The following SVEP1 variants were observed in gnomAD, a reference collection of about 807,000 sequenced individuals.
The protein encoded by SVEP1 is sushi, von Willebrand factor type A, EGF and pentraxin domain containing 1.
SVEP1 carries 164 observed loss-of-function variants against 367.3 expected under a neutral mutation model. That is an observed-to-expected ratio of 0.45 (90% confidence interval 0.39 to 0.51). The LOEUF is 0.51. Ranked by LOEUF, SVEP1 falls within the 20% of genes least tolerant of loss-of-function variation. The probability of loss-of-function intolerance (pLI) is 0.00; values close to 1 mark genes in which losing one functional copy is unlikely to be tolerated. For synonymous variants in SVEP1, 1,666 were observed against 1,611.6 expected (o/e 1.03, Z -0.81); for missense variants, 4,117 against 4,425.3 (o/e 0.93, Z 1.98).
At chr9:110,446,143 A>G in intron 25 of SVEP1, 105 bp from the exon 26 acceptor site, 1 of 993,712 alleles carries the variant, frequency 1.0e-6, no homozygotes, top group Non-Finnish European at 1.5e-6. Flanking sequence ...AGTGAATATG[A>G]TTATCTAAGA....
intron 1 of SVEP1, among the ~76,000 whole-genome samples, chr9:110,556,335 G>C (rs1830357988): frequency 2.0e-5 from 3 of 152,174 alleles, no homozygotes; most frequent in African/African-American, 7.2e-5. Flanking sequence ...GGTCACAGCA[G>C]ATCTGGCATG....
At chr9:110,424,111 G>A (rs143999090) in intron 36 of SVEP1, among the ~76,000 whole-genome samples, 289 of 152,330 alleles carry the variant, frequency 1.9e-3, no homozygotes, top group African/African-American at 6.7e-3. Context: ...AGTTAAAAAT[G>A]TGCATCTTCC....
chr9:110,481,042 C>G (rs547051100), intron 12 of SVEP1, among the ~76,000 whole-genome samples, 200 bp downstream of exon 12: 1 of 152,270 alleles, frequency 6.6e-6, no homozygotes, highest in Non-Finnish European at 1.5e-5. Context: ...TCTTGTCCTA[C>G]AGCAATACAA....
At position 110,406,731 on chromosome 9, in the gene SVEP1, G is replaced by T. The variant is rs771921095; in HGVS notation, c.8869C>A (p.His2957Asn). ...VNCGPPEDLA[H>N]GFPNGFSFIH... ...AAGGAAAAACCATTAGGGAAACCATGGGCAAGATCTTCAGGAGGTCCACAG... is the reference window on the plus strand; with the variant it reads ...AAGGAAAAACCATTAGGGAAACCATTGGCAAGATCTTCAGGAGGTCCACAG... The change falls in exon 38 of 48, where the codon CAT becomes AAT. Residue 2957 changes from histidine (H) to asparagine (N), a missense_variant. By Grantham distance (68) the His-to-Asn change is moderately conservative. This residue lies in a region of SVEP1 where 1,765 missense variants were observed against 1,781.1 expected (regional missense o/e 0.99). Transcript: ENST00000374469. The T allele has an allele frequency of 1.9e-6, 3 of 1,614,048 alleles. No individual in the cohort carries two copies. Among genetic ancestry groups the T allele is most frequent in the Non-Finnish European group, 2.5e-6 (3 of 1,179,906 alleles).
chr9:110,498,059 C>A (rs1479182638), intron 7 of SVEP1, among the ~76,000 whole-genome samples: 1 of 152,206 alleles, frequency 6.6e-6, no homozygotes, highest in African/African-American at 2.4e-5. Context: ...TATTTGCTCT[C>A]CATATCCTGT....
Position 110,496,860 on chromosome 9 carries a change from A to C in SVEP1, c.1755T>G (p.Asn585Lys). Residue 585 changes from asparagine to lysine, a missense_variant, in exon 8 of 48, where the codon AAT becomes AAG. Transcript: ENST00000374469. ...AKTLEQQDSA[N>K]VTWQIPTAKD... ...TAGCTGTTGGAATCTGCCAGGTAAC[A>C]TTGGCAGAATCTTGCTGTTCCAGAG... 1 of 1,558,768 alleles carries C rather than the reference A, an allele frequency of 6.4e-7. No individual in the cohort carries two copies. The highest frequency in any genetic ancestry group is 8.7e-7 in the Non-Finnish European group (1 of 1,149,846).
chr9:110,576,427 T>C (rs1393635963), intron 1 of SVEP1, among the ~76,000 whole-genome samples: 1 of 152,180 alleles, frequency 6.6e-6, no homozygotes, highest in African/African-American at 2.4e-5. Flanking sequence ...TTAGGCATAA[T>C]ATATGTATGA....
At chr9:110,509,097 G>C (rs897653643) in intron 5 of SVEP1, among the ~76,000 whole-genome samples, 28 of 152,040 alleles carry the variant, frequency 1.8e-4, no homozygotes, top group Admixed American at 5.2e-4. Context: ...CCTACCCAAC[G>C]GCCATATTTC....
chr9:110,486,820 T>C (rs1020888869), intron 9 of SVEP1, among the ~76,000 whole-genome samples: 2 of 152,068 alleles, frequency 1.3e-5, no homozygotes, highest in African/African-American at 4.8e-5. Flanking sequence ...AATTTTTGTA[T>C]TTTTAGTAGA....
intron 11 of SVEP1, among the ~76,000 whole-genome samples, chr9:110,482,011 C>A (rs550722414): frequency 1.5e-3 from 229 of 152,254 alleles, no homozygotes; most frequent in Non-Finnish European, 2.6e-3. Context: ...CCATGCCCTG[C>A]CCTTATTTTT....
At chr9:110,376,656 C>G (rs1827354854) in intron 45 of SVEP1, among the ~76,000 whole-genome samples, 1 of 152,108 alleles carries the variant, frequency 6.6e-6, no homozygotes, top group South Asian at 2.1e-4. Flanking sequence ...AATATGAAAC[C>G]ATTTTATCCT....
Position 110,407,328 on chromosome 9 carries a change from G to C in SVEP1, c.8272C>G (p.Leu2758Val). Reference sequence around the variant, plus strand: ...GCACCACTCCACTTTCTATTCTCTAGACAAAGCCTTAAGTCAGAGCCTGCT... The same window carrying C: ...GCACCACTCCACTTTCTATTCTCTACACAAAGCCTTAAGTCAGAGCCTGCT... ...ILAGSDLRLC[L>V]ENRKWSGASP... Residue 2758 changes from leucine to valine, a missense_variant, in exon 38 of 48, where the codon CTA (leucine) becomes GTA (valine). This residue lies in a region of SVEP1 where 1,765 missense variants were observed against 1,781.1 expected (regional missense o/e 0.99). Coordinates refer to ENST00000374469, the MANE Select transcript of SVEP1 (RefSeq NM_153366.4). 5 of 1,613,950 alleles carry C rather than the reference G, an allele frequency of 3.1e-6. No homozygotes were observed. The highest frequency in any genetic ancestry group is 4.2e-6 in the Non-Finnish European group (5 of 1,179,878).
At position 110,411,054 on chromosome 9, in the gene SVEP1, G is replaced by A; in HGVS notation, c.6648+9C>T. 6.5e-7 allele frequency: 1 copy of A among 1,544,068 alleles called. No homozygotes were observed. On this transcript the variant is annotated intron_variant, in intron 37 of 47. Transcript: ENST00000374469. Reference sequence around the variant, plus strand: ...AAAGCCACAGACCATTTGCTAATTGGTCTCTTACCTCCAGAAAGCCATTCT... The same window carrying A: ...AAAGCCACAGACCATTTGCTAATTGATCTCTTACCTCCAGAAAGCCATTCT...
At chr9:110,368,065 A>G (rs1827224813) in intron 47 of SVEP1, among the ~76,000 whole-genome samples, 1 of 152,024 alleles carries the variant, frequency 6.6e-6, no homozygotes, top group South Asian at 2.1e-4. Context: ...CATCTGAGTG[A>G]GACTCTGTCT....
chr9:110,513,435 G>T (rs1191651599), intron 4 of SVEP1, among the ~76,000 whole-genome samples: 1 of 151,886 alleles, frequency 6.6e-6, no homozygotes, highest in Admixed American at 6.6e-5. Flanking sequence ...CTTGACTAAG[G>T]TAGAATAAAA....
chr9:110,370,422 T>C (rs534441865), intron 46 of SVEP1, among the ~76,000 whole-genome samples: 2 of 152,276 alleles, frequency 1.3e-5, no homozygotes, highest in African/African-American at 2.4e-5. Flanking sequence ...AAGCTCAAGA[T>C]TGTAAATTCC....
chr9:110,407,184 C>A lies in SVEP1; in HGVS notation c.8416G>T (p.Val2806Leu). The change falls in exon 38 of 48, where the codon GTG (valine) becomes TTG (leucine). Residue 2806 changes from valine to leucine, a missense_variant. Physicochemically the swap from Val to Leu is conservative, Grantham distance 32. Transcript: ENST00000374469. ...GTTCTCCTCTCAGTGCCATTCAGCA[C>A]ATATCCGGGGTCACACTCATAGTAC... ...TLYYECDPGYVLNGTERRTCQ... is the reference protein window; with the variant it reads ...TLYYECDPGYLLNGTERRTCQ... 1.9e-6 allele frequency: 3 copies of A among 1,614,004 alleles called. No homozygotes were observed. The highest frequency in any genetic ancestry group is 2.5e-6 in the Non-Finnish European group (3 of 1,179,892).
At chr9:110,553,977 C>A (rs1425351418) in intron 1 of SVEP1, among the ~76,000 whole-genome samples, 1 of 152,098 alleles carries the variant, frequency 6.6e-6, no homozygotes, top group Non-Finnish European at 1.5e-5. Flanking sequence ...TTTCTTAAGT[C>A]CAAATAGATA....
chr9:110,442,908 A>C (rs758116825), intron 27 of SVEP1: 7 of 152,192 alleles, frequency 4.6e-5, no homozygotes, highest in Admixed American at 6.5e-5. Flanking sequence ...AGAATGTATT[A>C]GTCAGTTTCT....
Sources: gnomAD v4.1 joint callset for allele counts (sites outside exome capture counted in the v4.1 genomes callset) on GRCh38, gnomAD v4.1.1 for gene constraint, gnomAD v4.1.1 regional missense constraint, MANE v1.5 for transcripts, NCBI Gene and HGNC (gene_info 2026-07-23, HGNC 2026-07-21) for gene names.